LIPJ: variants seen among roughly 807,000 people sequenced by gnomAD.
LIPJ encodes lipase member J.
LIPJ carries 33 observed loss-of-function variants against 39.8 expected under a neutral mutation model. The ratio of observed to expected loss-of-function variants is 0.83; its 90% CI spans 0.63 to 1.11. The LOEUF (loss-of-function observed/expected upper bound fraction) is 1.11, where lower values mean the gene tolerates loss of function less well. Ranked by LOEUF, LIPJ falls within the 50% of genes least tolerant of loss-of-function variation. LIPJ has a pLI of 0.00. For missense variants in LIPJ, 422 were observed against 427.9 expected, an observed-to-expected ratio of 0.99 and a Z score of 0.12; for synonymous variants, 128 against 139.2, an observed-to-expected ratio of 0.92 and a Z score of 0.57.
intron 8 of LIPJ, among the ~76,000 whole-genome samples, chr10:88,599,464 A>G (rs1851388651): frequency 6.6e-6 from 1 of 151,884 alleles, no homozygotes; most frequent in South Asian, 2.1e-4. Flanking sequence ...CTCTGTTTCT[A>G]TGAGCTCACT....
In LIPJ at chr10:88,606,368, G is replaced by A. The variant is rs189208221; in HGVS notation, c.868-306G>A. Among the ~76,000 whole-genome samples the A allele has an allele frequency of 6.7e-3, 1,026 of 152,246 alleles. 27 individuals are homozygous for A. The South Asian group carries it at 0.083, about 12-fold the overall frequency. Reference sequence around the variant, plus strand: ...ACATATTGACAGTAATACTGCTACAGAAAATTTGATTTAAAATCTTTCATG... The same window carrying A: ...ACATATTGACAGTAATACTGCTACAAAAAATTTGATTTAAAATCTTTCATG... On this transcript the variant is annotated intron_variant, in intron 10 of 10. Transcript: ENST00000371939.
chr10:88,596,505 C>A, intron 7 of LIPJ, 89 bp downstream of exon 7: 1 of 1,332,352 alleles, frequency 7.5e-7, no homozygotes, highest in African/African-American at 1.5e-5. Flanking sequence ...ACGTAGACAA[C>A]CACAAGTATG....
At chr10:88,590,740 A>C in intron 3 of LIPJ, 44 bp downstream of exon 3, 2 of 1,495,300 alleles carry the variant, frequency 1.3e-6, no homozygotes, top group Non-Finnish European at 1.9e-6. Flanking sequence ...AATAACAGAG[A>C]ATGCTACTTT....
At chr10:88,594,631 G>A (rs1413766571) in intron 5 of LIPJ, 36 bp from the exon 6 acceptor site, 1 of 1,043,914 alleles carries the variant, frequency 9.6e-7, no homozygotes, top group Non-Finnish European at 1.4e-6. Flanking sequence ...AACATTAGTA[G>A]AAAGTGCTAT....
the LIPJ span, among the ~76,000 whole-genome samples, chr10:88,615,648 A>G: frequency 2.7e-5 from 4 of 150,096 alleles, no homozygotes; most frequent in East Asian, 2.0e-4. Flanking sequence ...AAAAAAAAAA[A>G]AAACAGAAAG....
At chr10:88,607,118 C>A, downstream of LIPJ, 1 of 390,578 alleles carries the variant, frequency 2.6e-6, no homozygotes, top group Non-Finnish European at 4.3e-6. Flanking sequence ...ATCTAAGAAG[C>A]CTGTTGAGTT....
At chr10:88,599,715 A>G (rs935010294) in intron 8 of LIPJ, among the ~76,000 whole-genome samples, 2 of 151,482 alleles carry the variant, frequency 1.3e-5, no homozygotes, top group Non-Finnish European at 3.0e-5. Context: ...ACACACATAT[A>G]TATATATACA....
At chr10:88,607,078 A>G (rs1252270504), downstream of LIPJ, 6 of 554,058 alleles carry the variant, frequency 1.1e-5, no homozygotes, top group African/African-American at 1.2e-4. Flanking sequence ...GTCATTCATC[A>G]TCTCAGGGGA....
chr10:88,602,067 A>ACTTTCTTTTTTACTGTC (rs1851502906), intron 8 of LIPJ, among the ~76,000 whole-genome samples: 1 of 152,160 alleles, frequency 6.6e-6, no homozygotes, highest in Non-Finnish European at 1.5e-5. Context: ...GTTTCTTTTT[A>ACTTTCTTTTTTACTGTC]AAATCTTTCA....
At chr10:88,589,847 G>C (rs965409933) in intron 2 of LIPJ, among the ~76,000 whole-genome samples, 1 of 151,658 alleles carries the variant, frequency 6.6e-6, no homozygotes, top group Non-Finnish European at 1.5e-5. Flanking sequence ...CATTTTGTAG[G>C]CAGGGAAACT....
At chr10:88,608,294 T>C (rs766809484), downstream of LIPJ, among the ~76,000 whole-genome samples, 1 of 152,206 alleles carries the variant, frequency 6.6e-6, no homozygotes, top group Non-Finnish European at 1.5e-5. Context: ...ATCTCACCAC[T>C]ATGTTACCAC....
In LIPJ at chr10:88,596,199, C is replaced by T. The variant is rs537667554; in HGVS notation, c.440-81C>T. On this transcript the variant is annotated intron_variant, in intron 6 of 10. Coordinates refer to ENST00000371939, the Ensembl canonical transcript of LIPJ. ...TTCAGAAACTATTTTTGAACTTACTCTTATTCTCCTTGGTGTCATCTCTTA... is the reference window on the plus strand; with the variant it reads ...TTCAGAAACTATTTTTGAACTTACTTTTATTCTCCTTGGTGTCATCTCTTA... The T allele has an allele frequency of 4.0e-5, 38 of 942,366 alleles. 1 individual carries two copies. The African/African-American group carries it at 4.5e-4, about 11-fold the overall frequency. 58.4% of individuals were successfully genotyped at this position (942,366 alleles called of 1,614,324 possible).
At chr10:88,595,403 A>C (rs1851220116) in intron 6 of LIPJ, among the ~76,000 whole-genome samples, 1 of 151,748 alleles carries the variant, frequency 6.6e-6, no homozygotes, top group Admixed American at 6.6e-5. Flanking sequence ...AGCTAATATT[A>C]AGTAAGTCAT....
upstream of LIPJ, chr10:88,583,210 C>G (rs374558508): frequency 5.8e-5 from 93 of 1,613,082 alleles, no homozygotes; most frequent in Admixed American, 3.0e-4. Context: ...GAGCAGCGAT[C>G]CGCGCTGAGT....
chr10:88,591,230 A>G (rs1340975989), intron 3 of LIPJ, 148 bp from the exon 4 acceptor site: 2 of 518,630 alleles, frequency 3.9e-6, no homozygotes, highest in African/African-American at 4.0e-5. Context: ...TGTATGAATC[A>G]GTAAATTAGT....
the LIPJ span, among the ~76,000 whole-genome samples, chr10:88,617,356 ACC>A: frequency 0.013 from 1,927 of 152,346 alleles, 22 homozygotes; most frequent in Admixed American, 0.018. Flanking sequence ...ATTCAGAGGA[ACC>A]ACTCAGTAAA....
intron 3 of LIPJ, among the ~76,000 whole-genome samples, chr10:88,591,054 A>G (rs1221859530): frequency 6.6e-6 from 1 of 151,852 alleles, no homozygotes; most frequent in African/African-American, 2.4e-5. Flanking sequence ...TAAATTGTAT[A>G]CGAGTGGGTA....
chr10:88,600,407 A>C (rs912271168), intron 8 of LIPJ, among the ~76,000 whole-genome samples: 1 of 152,150 alleles, frequency 6.6e-6, no homozygotes, highest in Non-Finnish European at 1.5e-5. Context: ...AAATCCATCT[A>C]ATAAATTTTA....
chr10:88,601,500 C>T (rs1040887104), intron 8 of LIPJ, among the ~76,000 whole-genome samples: 3 of 152,194 alleles, frequency 2.0e-5, no homozygotes, highest in African/African-American at 7.2e-5. Flanking sequence ...CTATAGCACC[C>T]ACACAGACCG....
Sources: gnomAD v4.1 joint callset for allele counts (sites outside exome capture counted in the v4.1 genomes callset) on GRCh38, gnomAD v4.1.1 for gene constraint, MANE v1.5 for transcripts, NCBI Gene and HGNC (gene_info 2026-07-23, HGNC 2026-07-21) for gene names.